Variants in MEGF10 observed in about 807,000 individuals in gnomAD.
MEGF10 encodes multiple epidermal growth factor-like domains protein 10.
In MEGF10, 86 loss-of-function variants were observed where a neutral mutation model predicts 147.5. The observed-to-expected ratio is 0.58, with a 90% CI of 0.49 to 0.70. The LOEUF is 0.70. Among genes scored for constraint, MEGF10 ranks in the 30% least tolerant of loss-of-function variants. The pLI is 0.00. For synonymous variants in MEGF10, 478 were observed against 525.5 expected, an observed-to-expected ratio of 0.91 and a Z score of 1.24; for missense variants, 1,329 against 1,487.3, an observed-to-expected ratio of 0.89 and a Z score of 1.75.
chr5:127,380,272 A>G (rs1286747343), intron 5 of MEGF10, among the ~76,000 whole-genome samples: 1 of 152,196 alleles, frequency 6.6e-6, no homozygotes, highest in African/African-American at 2.4e-5. Context: ...AAAATGAGAC[A>G]TGAGAGATGA....
At chr5:127,297,880 CTG>C (rs1390750283) in intron 1 of MEGF10, among the ~76,000 whole-genome samples, 1 of 152,078 alleles carries the variant, frequency 6.6e-6, no homozygotes, top group African/African-American at 2.4e-5. Flanking sequence ...AATGAGAAAA[CTG>C]TTCTTCCTTT....
chr5:127,257,325 A>G, the MEGF10 span, among the ~76,000 whole-genome samples: 1 of 145,566 alleles, frequency 6.9e-6, no homozygotes, highest in Non-Finnish European at 1.5e-5. Flanking sequence ...AAAAAAAAAA[A>G]GCTTTCTTAG....
intron 19 of MEGF10, chr5:127,445,208 G>A (rs1041097481): frequency 2.9e-5 from 14 of 483,042 alleles, no homozygotes; most frequent in Non-Finnish European, 3.7e-5. Context: ...CTGGAACTCC[G>A]GGCACGCATC....
At chr5:127,418,858 T>A (rs1159604169) in intron 10 of MEGF10, among the ~76,000 whole-genome samples, 1 of 152,222 alleles carries the variant, frequency 6.6e-6, no homozygotes, top group Non-Finnish European at 1.5e-5. Flanking sequence ...GTTTTAGTTC[T>A]GCTATGAAGG....
chr5:127,417,310 T>A (rs1346260857), intron 9 of MEGF10, among the ~76,000 whole-genome samples: 1 of 152,190 alleles, frequency 6.6e-6, no homozygotes, highest in Non-Finnish European at 1.5e-5. Flanking sequence ...TGGATGGAGT[T>A]TTTTTAGCTC....
the MEGF10 span, among the ~76,000 whole-genome samples, chr5:127,268,443 G>A: frequency 6.6e-6 from 1 of 152,232 alleles, no homozygotes; most frequent in African/African-American, 2.4e-5. Context: ...TCCGCTTGGT[G>A]TAGAGCTGAG....
chr5:127,267,253 T>C, the MEGF10 span, among the ~76,000 whole-genome samples: 5 of 152,246 alleles, frequency 3.3e-5, no homozygotes, highest in African/African-American at 1.2e-4. Flanking sequence ...GAACCAGCCT[T>C]GCATCCCAGG....
Position 127,364,229 on chromosome 5 carries a change from T to C in MEGF10, c.320-5681T>C, listed in dbSNP as rs146735141. ...CCATCACATAATCAAGTTTTGAACA[T>C]TTTCATCATCTCAATACAACCCCTG... On this transcript the variant is annotated intron_variant, in intron 4 of 24. Coordinates refer to ENST00000503335, the MANE Select transcript of MEGF10 (RefSeq NM_001256545.2). Among the ~76,000 whole-genome samples the C allele has an allele frequency of 5.9e-5, 9 of 152,300 alleles. No individual in the cohort carries two copies. In the East Asian group the frequency reaches 1.5e-3, roughly 26 times the overall value.
chr5:127,453,903 A>G lies in MEGF10; in HGVS notation c.2981-663A>G, dbSNP rs192172612. On this transcript the variant is annotated intron_variant, in intron 22 of 24. Transcript: ENST00000503335. ...GCACGTTCTCTTGCCTACATGCTCAATTTTTCCAGCATGAGCCGGAACACT... is the reference window on the plus strand; with the variant it reads ...GCACGTTCTCTTGCCTACATGCTCAGTTTTTCCAGCATGAGCCGGAACACT... Among the ~76,000 whole-genome samples, 80 of 152,136 alleles carry G rather than the reference A, an allele frequency of 5.3e-4. 2 individuals carry two copies. Among genetic ancestry groups the G allele is most frequent in the African/African-American group, 1.9e-3 (77 of 41,478 alleles).
At chr5:127,278,890 G>C in the MEGF10 span, among the ~76,000 whole-genome samples, 1 of 152,212 alleles carries the variant, frequency 6.6e-6, no homozygotes, top group African/African-American at 2.4e-5. Flanking sequence ...GTGAACTAAG[G>C]AGTTATAATT....
chr5:127,265,947 G>A, the MEGF10 span, among the ~76,000 whole-genome samples: 2 of 152,108 alleles, frequency 1.3e-5, no homozygotes, highest in Admixed American at 1.3e-4. Context: ...TGTCAATTTT[G>A]GCTTTTGTTG....
chr5:127,362,209 T>C (rs554918795), intron 4 of MEGF10, among the ~76,000 whole-genome samples: 1 of 152,142 alleles, frequency 6.6e-6, no homozygotes, highest in South Asian at 2.1e-4. Flanking sequence ...TTCATTATAA[T>C]GAATTGAACA....
chr5:127,415,316 C>T (rs569555842), intron 9 of MEGF10, among the ~76,000 whole-genome samples: 20 of 152,220 alleles, frequency 1.3e-4, no homozygotes, highest in African/African-American at 4.3e-4. Flanking sequence ...CTGGTTTAGA[C>T]AATAAATTGT....
At chr5:127,424,138 C>T (rs148566130) in intron 13 of MEGF10, among the ~76,000 whole-genome samples, 70 of 152,246 alleles carry the variant, frequency 4.6e-4, no homozygotes, top group African/African-American at 1.6e-3. Context: ...ATTCTTTCCC[C>T]CACTGAATTG....
rs567481354 is a variant in MEGF10 at position 127,299,816 on chromosome 5, C to T, written c.-19+8760C>T. On this transcript the variant is annotated intron_variant, in intron 1 of 24. Coordinates refer to ENST00000503335, the MANE Select transcript of MEGF10 (RefSeq NM_001256545.2). ...CAGAACAGGGAAAGCCTTTTCTGGA[C>T]GTGATGGGTTCTGGAGAGCCCATTT... is the stretch of plus-strand genomic sequence containing the variant. Among the ~76,000 whole-genome samples, 30 of 151,462 alleles carry T rather than the reference C, an allele frequency of 2.0e-4. 1 individual carries two copies. Among genetic ancestry groups the T allele is most frequent in the Middle Eastern group, 6.8e-3 (2 of 292 alleles).
chr5:127,263,134 A>G, the MEGF10 span, among the ~76,000 whole-genome samples: 3 of 152,160 alleles, frequency 2.0e-5, no homozygotes, highest in Non-Finnish European at 4.4e-5. Flanking sequence ...GAAACATACT[A>G]TGGTAAGCTT....
intron 5 of MEGF10, among the ~76,000 whole-genome samples, chr5:127,376,968 T>A (rs964998097): frequency 1.3e-5 from 2 of 150,282 alleles, no homozygotes; most frequent in Non-Finnish European, 3.0e-5. Flanking sequence ...GTGAGGAGAA[T>A]GAGAGCAGGA....
At chr5:127,299,423 A>T (rs1759666314) in intron 1 of MEGF10, among the ~76,000 whole-genome samples, 1 of 152,196 alleles carries the variant, frequency 6.6e-6, no homozygotes, top group African/African-American at 2.4e-5. Context: ...TCCAGATGCC[A>T]TCTAGATACC....
chr5:127,404,549 G>A (rs1764254607), intron 8 of MEGF10, among the ~76,000 whole-genome samples: 1 of 152,088 alleles, frequency 6.6e-6, no homozygotes, highest in South Asian at 2.1e-4. Context: ...TTAACATGAT[G>A]TGTGCATCCT....
Sources: gnomAD v4.1 joint callset for allele counts (sites outside exome capture counted in the v4.1 genomes callset) on GRCh38, gnomAD v4.1.1 for gene constraint, MANE v1.5 for transcripts, NCBI Gene and HGNC (gene_info 2026-07-23, HGNC 2026-07-21) for gene names.